The following CELF1 variants were observed in gnomAD, a reference collection of about 807,000 sequenced individuals.
CELF1 encodes CUGBP Elav-like family member 1.
In CELF1, 10 loss-of-function variants were observed where a neutral mutation model predicts 61.8. That is an observed-to-expected ratio of 0.16 (90% CI 0.10 to 0.27). The LOEUF (loss-of-function observed/expected upper bound fraction) is 0.27. Ranked by LOEUF, CELF1 falls within the 10% of genes least tolerant of loss-of-function variation. The pLI is 1.00. For synonymous variants in CELF1, 236 were observed against 225.1 expected, an observed-to-expected ratio of 1.05 and a Z score of -0.43; for missense variants, 380 against 639.1, an observed-to-expected ratio of 0.59 and a Z score of 4.37.
intron 1 of CELF1, among the ~76,000 whole-genome samples, chr11:47,527,112 A>G (rs559675184): frequency 1.4e-4 from 22 of 152,172 alleles, no homozygotes; most frequent in Non-Finnish European, 2.1e-4. Flanking sequence ...TACTGAGTAC[A>G]CAGCAGGATT....
intron 6 of CELF1, among the ~76,000 whole-genome samples, chr11:47,486,427 T>G (rs2087127412): frequency 6.6e-6 from 1 of 151,898 alleles, no homozygotes; most frequent in African/African-American, 2.4e-5. Flanking sequence ...TTTTTTTTTT[T>G]GAGACAGAGT....
At chr11:47,496,556 A>G (rs893036499) in intron 3 of CELF1, among the ~76,000 whole-genome samples, 1 of 152,234 alleles carries the variant, frequency 6.6e-6, no homozygotes, top group Non-Finnish European at 1.5e-5. Context: ...CTATGAAAGA[A>G]GTGGCTAATA....
At chr11:47,494,630 C>A in intron 3 of CELF1, 2 of 303,572 alleles carry the variant, frequency 6.6e-6, no homozygotes, top group Middle Eastern at 1.7e-3. Context: ...TGTTCTATTC[C>A]AAATTTTTCC....
intron 1 of CELF1, among the ~76,000 whole-genome samples, chr11:47,543,559 T>C (rs559170383): frequency 6.6e-6 from 1 of 152,368 alleles, no homozygotes; most frequent in South Asian, 2.1e-4. Context: ...AAGAAGATTC[T>C]AAGCCAATTC....
chr11:47,561,306 G>T (rs759787306), intron 2 of CELF1, among the ~76,000 whole-genome samples: 8 of 151,472 alleles, frequency 5.3e-5, no homozygotes, highest in Non-Finnish European at 8.8e-5. Flanking sequence ...AGCCGGGTGT[G>T]GTAGCGGGCG....
At chr11:47,532,714 GA>G (rs1176008133) in intron 1 of CELF1, among the ~76,000 whole-genome samples, 1 of 151,990 alleles carries the variant, frequency 6.6e-6, no homozygotes, top group Non-Finnish European at 1.5e-5. Context: ...GATTAAAGAA[GA>G]AAAAAATCTC....
At chr11:47,525,987 A>T (rs1013561887) in intron 1 of CELF1, among the ~76,000 whole-genome samples, 1 of 151,942 alleles carries the variant, frequency 6.6e-6, no homozygotes, top group Non-Finnish European at 1.5e-5. Context: ...GACTGAGAAC[A>T]GACAGACCTA....
chr11:47,487,075 T>G (rs1366594319), intron 5 of CELF1, 84 bp downstream of exon 5: 30 of 1,122,972 alleles, frequency 2.7e-5, no homozygotes, highest in Non-Finnish European at 3.8e-5. Flanking sequence ...CCCAAAATGG[T>G]TTTCAGTGTG....
chr11:47,546,543 A>C (rs1402060046), intron 1 of CELF1, among the ~76,000 whole-genome samples: 1 of 152,084 alleles, frequency 6.6e-6, no homozygotes, highest in African/African-American at 2.4e-5. Flanking sequence ...CTTTCTTCAC[A>C]CTAGAACAAA....
At chr11:47,545,175 A>G (rs1773969629) in intron 1 of CELF1, among the ~76,000 whole-genome samples, 1 of 152,038 alleles carries the variant, frequency 6.6e-6, no homozygotes, top group Non-Finnish European at 1.5e-5. Context: ...CATGCCTGTA[A>G]TCCCAGCACT....
At chr11:47,556,148 C>A (rs964391832), upstream of CELF1, among the ~76,000 whole-genome samples, 1 of 151,992 alleles carries the variant, frequency 6.6e-6, no homozygotes, top group African/African-American at 2.4e-5. Flanking sequence ...AGGGAATATT[C>A]ATGGATAATG....
At chr11:47,495,627 G>A (rs1433817243) in intron 3 of CELF1, among the ~76,000 whole-genome samples, 1 of 152,122 alleles carries the variant, frequency 6.6e-6, no homozygotes, top group Non-Finnish European at 1.5e-5. Context: ...AAGTTATAAG[G>A]TAGTTAAGAG....
At chr11:47,534,528 C>T (rs1268882948) in intron 1 of CELF1, among the ~76,000 whole-genome samples, 1 of 151,750 alleles carries the variant, frequency 6.6e-6, no homozygotes, top group African/African-American at 2.4e-5. Flanking sequence ...AGACCGAGAC[C>T]ATCCTGGCTA....
At chr11:47,547,449 G>A (rs372975655) in intron 1 of CELF1, among the ~76,000 whole-genome samples, 3 of 151,780 alleles carry the variant, frequency 2.0e-5, no homozygotes, top group Non-Finnish European at 4.4e-5. Context: ...AGGCCGAGGC[G>A]GGCAGATCAC....
chr11:47,522,701 C>T (rs1339131056), intron 1 of CELF1, among the ~76,000 whole-genome samples: 1 of 151,680 alleles, frequency 6.6e-6, no homozygotes, highest in African/African-American at 2.4e-5. Flanking sequence ...GTGGCATGCG[C>T]TTGTAGTCGC....
chr11:47,556,034 G>C (rs1297838198), upstream of CELF1, among the ~76,000 whole-genome samples: 1 of 149,356 alleles, frequency 6.7e-6, no homozygotes, highest in Non-Finnish European at 1.5e-5. Flanking sequence ...GTGTTAGTAA[G>C]AGTGCAGAGA....
In CELF1 at chr11:47,484,484, T is replaced by C. The variant is rs1471862309; in HGVS notation, c.431A>G (p.Lys144Arg). 2 of 1,613,136 alleles carry C rather than the reference T, an allele frequency of 1.2e-6. No individual in the cohort carries two copies. Among genetic ancestry groups the C allele is most frequent in the Admixed American group, 1.7e-5 (1 of 59,704 alleles). The change falls in exon 7 of 15, where the codon AAG (lysine) becomes AGG (arginine). Residue 144 changes from lysine to arginine, a missense_variant. Physicochemically the swap from Lys to Arg is conservative, Grantham distance 26. Coordinates refer to ENST00000687097, the MANE Select transcript of CELF1 (RefSeq NM_001376376.1). ...DRKLFIGMISKKCTENDIRVM... is the reference protein window; with the variant it reads ...DRKLFIGMISRKCTENDIRVM... ...TCGGATGTCATTTTCAGTGCACTTC[T>C]TGGAAATCATACCAATAAACAGCTT...
chr11:47,541,737 AGAAC>A (rs1565904523), intron 1 of CELF1, among the ~76,000 whole-genome samples: 513 of 15,886 alleles, frequency 0.032, 50 homozygotes, highest in East Asian at 0.083. Flanking sequence ...AACGAAAGAA[AGAAC>A]GAAAGAAAGA....
chr11:47,507,923 C>T (rs1477706249), intron 1 of CELF1, among the ~76,000 whole-genome samples: 1 of 152,008 alleles, frequency 6.6e-6, no homozygotes, highest in Non-Finnish European at 1.5e-5. Flanking sequence ...AAAAACAGAA[C>T]TTCCTAAAAG....
Sources: gnomAD v4.1 joint callset for allele counts (sites outside exome capture counted in the v4.1 genomes callset) on GRCh38, gnomAD v4.1.1 for gene constraint, MANE v1.5 for transcripts, NCBI Gene and HGNC (gene_info 2026-07-23, HGNC 2026-07-21) for gene names.